Variants in DCT observed in about 807,000 individuals in gnomAD.
DCT encodes dopachrome tautomerase, also known as L-dopachrome tautomerase.
A neutral mutation model predicts 53.0 loss-of-function variants in DCT; 47 were observed. That is an observed-to-expected ratio of 0.89 (90% CI 0.70 to 1.13). The LOEUF is 1.13. DCT is among the 50% of genes most tolerant of loss of function. The pLI is 0.00. For missense variants in DCT, 669 were observed against 637.4 expected (o/e 1.05, Z -0.53); for synonymous variants, 244 against 237.0 (o/e 1.03, Z -0.27).
intron 1 of DCT, among the ~76,000 whole-genome samples, chr13:94,472,276 C>T (rs1428572884): frequency 6.6e-6 from 1 of 151,638 alleles, no homozygotes; most frequent in Non-Finnish European, 1.5e-5. Context: ...AGGTAGCCAA[C>T]ACTAAACATG....
intron 6 of DCT, among the ~76,000 whole-genome samples, chr13:94,456,344 C>T (rs1883412959): frequency 6.6e-6 from 1 of 152,176 alleles, no homozygotes; most frequent in Non-Finnish European, 1.5e-5. Flanking sequence ...ACCCATCAGG[C>T]AAGCTTAGAA....
At chr13:94,443,986 A>T (rs1882543261) in intron 6 of DCT, among the ~76,000 whole-genome samples, 1 of 152,246 alleles carries the variant, frequency 6.6e-6, no homozygotes, top group African/African-American at 2.4e-5. Context: ...GAGGCCTTCA[A>T]CATATATGTG....
the DCT span, among the ~76,000 whole-genome samples, chr13:94,502,411 A>G: frequency 7.0e-4 from 107 of 152,248 alleles, no homozygotes; most frequent in East Asian, 3.7e-3. Flanking sequence ...TCCAGCAGGT[A>G]TTGCCATAGT....
intron 6 of DCT, among the ~76,000 whole-genome samples, chr13:94,451,459 G>A (rs1178698423): frequency 2.6e-5 from 4 of 152,192 alleles, no homozygotes; most frequent in Non-Finnish European, 5.9e-5. Context: ...TGAACACGGG[G>A]AGATTTTTGA....
chr13:94,502,555 G>A, the DCT span, among the ~76,000 whole-genome samples: 3 of 152,208 alleles, frequency 2.0e-5, no homozygotes, highest in Non-Finnish European at 2.9e-5. Flanking sequence ...CAGCTGCGAG[G>A]AGCTGGTGAA....
At position 94,466,016 on chromosome 13, in the gene DCT, A is replaced by C. The variant is rs55675231; in HGVS notation, c.697-217T>G. Among the ~76,000 whole-genome samples, 617 of 80,980 alleles carry C rather than the reference A, an allele frequency of 7.6e-3. 9 individuals carry two copies. Among genetic ancestry groups the C allele is most frequent in the South Asian group, 0.035 (84 of 2,428 alleles). 53.1% of individuals were successfully genotyped at this position (80,980 alleles called of 152,430 possible). A position where few individuals can be genotyped will look rare whatever the true frequency, so the allele number is the denominator to read the frequency against. ...TATATATATATATATATATATATAT[A>C]TATATATACTGTGTACAATGGAGTA... On this transcript the variant is annotated intron_variant, in intron 3 of 7. Transcript: ENST00000377028.
chr13:94,465,447 T>A, intron 4 of DCT, 186 bp downstream of exon 4: 1 of 314,978 alleles, frequency 3.2e-6, no homozygotes, highest in East Asian at 6.1e-5. Flanking sequence ...GATTTTGATA[T>A]TTTTTTTTTA....
the DCT span, among the ~76,000 whole-genome samples, chr13:94,520,472 G>A: frequency 2.6e-5 from 4 of 152,222 alleles, no homozygotes; most frequent in South Asian, 4.1e-4. Flanking sequence ...GACAGCATCC[G>A]ACCCTGCGTC....
chr13:94,508,481 G>A, the DCT span, among the ~76,000 whole-genome samples: 1 of 152,152 alleles, frequency 6.6e-6, no homozygotes, highest in Admixed American at 6.5e-5. Context: ...TAGGCATGGA[G>A]GGAAAGAGGA....
the DCT span, among the ~76,000 whole-genome samples, chr13:94,487,543 T>C: frequency 6.6e-6 from 1 of 152,280 alleles, no homozygotes; most frequent in African/African-American, 2.4e-5. Flanking sequence ...AGTCTATGTG[T>C]TCAAAGGAGG....
At chr13:94,528,204 G>T in the DCT span, among the ~76,000 whole-genome samples, 1 of 151,910 alleles carries the variant, frequency 6.6e-6, no homozygotes, top group African/African-American at 2.4e-5. Context: ...AACCAAGCTG[G>T]AAAACACTCT....
chr13:94,525,367 G>T, the DCT span, among the ~76,000 whole-genome samples: 64 of 152,250 alleles, frequency 4.2e-4, no homozygotes, highest in African/African-American at 1.4e-3. Flanking sequence ...CTCCCAAAGT[G>T]CTGGAATTAC....
chr13:94,452,099 C>A (rs1049081791), intron 6 of DCT, among the ~76,000 whole-genome samples: 16 of 152,134 alleles, frequency 1.1e-4, no homozygotes, highest in Admixed American at 9.8e-4. Flanking sequence ...ATGGCACGAT[C>A]TTGGCTCACT....
At position 94,468,979 on chromosome 13, in the gene DCT, T is replaced by C. The variant is rs144978523; in HGVS notation, c.362A>G (p.Lys121Arg). Residue 121 changes from lysine to arginine, a missense_variant, in exon 2 of 8, where the codon AAG becomes AGG. Lys to Arg is a conservative substitution (Grantham distance 26). Transcript: ENST00000377028. ...GTTCTGCCGAATCACTGGTGGTTTC[T>C]TCCGCTCGCAGTTGGGACCGGTCCA... ...FGWTGPNCER[K>R]KPPVIRQNIH... is the part of the protein sequence containing the mutation. The C allele has an allele frequency of 1.8e-4, 289 of 1,614,070 alleles. No individual in the cohort carries two copies. Among genetic ancestry groups the C allele is most frequent in the Non-Finnish European group, 2.2e-4 (258 of 1,180,028 alleles).
intron 6 of DCT, among the ~76,000 whole-genome samples, chr13:94,448,141 A>G (rs972949856): frequency 6.6e-6 from 1 of 152,072 alleles, no homozygotes; most frequent in African/African-American, 2.4e-5. Flanking sequence ...CAGCTACTTG[A>G]GGCTGAGATG....
the DCT span, among the ~76,000 whole-genome samples, chr13:94,512,141 G>A: frequency 1.3e-5 from 2 of 152,284 alleles, no homozygotes; most frequent in South Asian, 4.1e-4. Flanking sequence ...ACTGGATACA[G>A]CATAATAATA....
Position 94,460,208 on chromosome 13 carries a change from A to T in DCT, c.1062T>A (p.Phe354Leu). Residue 354 changes from phenylalanine to leucine, a missense_variant, in exon 6 of 8, where the codon TTT becomes TTA. Phe to Leu is a conservative substitution (Grantham distance 22). Coordinates refer to ENST00000377028, the MANE Select transcript of DCT (RefSeq NM_001922.5). ...AATCCAGAGTCCCATCTGCTTTATC[A>T]AACCCTTCCAAAGCATTCCTAGGAG... ...TFSFRNALEG[F>L]DKADGTLDSQ... is the part of the protein sequence containing the mutation. The T allele has an allele frequency of 6.2e-7, 1 of 1,613,920 alleles. No individual in the cohort carries two copies. The highest frequency in any genetic ancestry group is 8.5e-7 in the Non-Finnish European group (1 of 1,179,824).
chr13:94,506,173 A>T, the DCT span, among the ~76,000 whole-genome samples: 1 of 152,228 alleles, frequency 6.6e-6, no homozygotes, highest in Admixed American at 6.5e-5. Context: ...TCTAAACACC[A>T]GTGACTATCT....
the DCT span, among the ~76,000 whole-genome samples, chr13:94,527,045 G>A: frequency 5.3e-5 from 8 of 152,112 alleles, no homozygotes; most frequent in Admixed American, 2.0e-4. Flanking sequence ...AGATTGACCC[G>A]CAACACTGCA....
Sources: allele counts gnomAD v4.1 joint callset (sites outside exome capture counted in the v4.1 genomes callset), GRCh38; gene constraint gnomAD v4.1.1; transcripts MANE v1.5; gene names NCBI Gene and HGNC (gene_info 2026-07-23, HGNC 2026-07-21).